Variants in PCDHGA3 observed in about 807,000 individuals in gnomAD.
PCDHGA3 encodes protocadherin gamma-A3.
A neutral mutation model predicts 58.5 loss-of-function variants in PCDHGA3; 40 were observed. The ratio of observed to expected loss-of-function variants is 0.68; its 90% CI spans 0.53 to 0.89. The LOEUF (loss-of-function observed/expected upper bound fraction) is 0.89. Among genes scored for constraint, PCDHGA3 ranks in the 40% least tolerant of loss-of-function variants. PCDHGA3 has a pLI of 0.00. For missense variants in PCDHGA3, 1,223 were observed against 1,195.9 expected, an observed-to-expected ratio of 1.02 and a Z score of -0.33; for synonymous variants, 530 against 525.7, an observed-to-expected ratio of 1.01 and a Z score of -0.11.
At chr5:141,473,401 T>G (rs1285517100) in intron 1 of PCDHGA3, among the ~76,000 whole-genome samples, 3 of 152,222 alleles carry the variant, frequency 2.0e-5, no homozygotes. Context: ...GCTTCTTTTT[T>G]TCTTCTTCAG....
intron 1 of PCDHGA3, chr5:141,408,782 T>A: frequency 6.2e-7 from 1 of 1,612,108 alleles, no homozygotes. Context: ...ATACCCAGAG[T>A]TATCTCTGGA....
intron 1 of PCDHGA3, among the ~76,000 whole-genome samples, chr5:141,401,296 C>G (rs2094138441): frequency 6.6e-6 from 1 of 152,104 alleles, no homozygotes; most frequent in African/African-American, 2.4e-5. Flanking sequence ...GAGCCGAGAT[C>G]ACTCCATTGC....
intron 1 of PCDHGA3, among the ~76,000 whole-genome samples, chr5:141,402,165 T>A (rs1200714000): frequency 6.6e-6 from 1 of 152,164 alleles, no homozygotes; most frequent in Non-Finnish European, 1.5e-5. Context: ...GGCGAGAACA[T>A]CTGTAACTAT....
In PCDHGA3 at chr5:141,399,312, A is replaced by C. The variant is rs142753281; in HGVS notation, c.2424+52855A>C. 774 of 1,613,972 alleles carry C rather than the reference A, an allele frequency of 4.8e-4. 4 individuals carry two copies. The African/African-American group carries it at 8.9e-3, about 19-fold the overall frequency. ...CTTTTAAGATTATCTCTTCATCCAAAAATTCGTATAAGTTGGTAACAGATG... is the reference window on the plus strand; with the variant it reads ...CTTTTAAGATTATCTCTTCATCCAACAATTCGTATAAGTTGGTAACAGATG... On this transcript the variant is annotated intron_variant, in intron 1 of 3. Transcript: ENST00000253812.
chr5:141,410,295 T>C (rs1043971768), intron 1 of PCDHGA3: 2 of 1,613,982 alleles, frequency 1.2e-6, no homozygotes, highest in East Asian at 2.2e-5. Context: ...GCCTTGGCCT[T>C]AATCTCAGTG....
At chr5:141,359,008 G>C (rs1212259195) in intron 1 of PCDHGA3, among the ~76,000 whole-genome samples, 1 of 152,230 alleles carries the variant, frequency 6.6e-6, no homozygotes, top group Non-Finnish European at 1.5e-5. Flanking sequence ...ACACAAATTA[G>C]TGTAATTTGA....
chr5:141,487,802 C>G lies in PCDHGA3; in HGVS notation c.2425-7005C>G. On this transcript the variant is annotated intron_variant, in intron 1 of 3. Transcript: ENST00000253812. The surrounding 1 kb of genome is among the most constrained non-coding windows in gnomAD (Gnocchi z 5.0). ...TTTCGTGAATTAACCAGAGTTGTCACAGTTTAGCATTGGGGGCGGGTCATG... is the reference window on the plus strand; with the variant it reads ...TTTCGTGAATTAACCAGAGTTGTCAGAGTTTAGCATTGGGGGCGGGTCATG... 6.8e-7 allele frequency: 1 copy of G among 1,477,424 alleles called. No homozygotes were observed. The allele number at this position is 1,477,424 out of a possible 1,614,324, so 91.5% of individuals were successfully genotyped here.
intron 1 of PCDHGA3, chr5:141,415,653 G>C (rs947379829): frequency 1.4e-5 from 22 of 1,539,304 alleles, no homozygotes; most frequent in Non-Finnish European, 1.9e-5. Context: ...AAAAAAAAAA[G>C]ATTGGTTTTT....
At chr5:141,354,901 A>C (rs1394350336) in intron 1 of PCDHGA3, 1 of 397,230 alleles carries the variant, frequency 2.5e-6, no homozygotes, top group African/African-American at 2.1e-5. Context: ...GAGAAATAGG[A>C]ATAGAAAAGT....
At chr5:141,383,248 T>A in intron 1 of PCDHGA3, 1 of 1,613,948 alleles carries the variant, frequency 6.2e-7, no homozygotes. Context: ...AATGAATCTT[T>A]ACCCTATAGA....
rs1287277950 is a variant in PCDHGA3 at position 141,384,488 on chromosome 5, T to C, written c.2424+38031T>C. The C allele has an allele frequency of 2.5e-6, 4 of 1,614,104 alleles. No individual in the cohort carries two copies. In the East Asian group the frequency reaches 8.9e-5, roughly 36 times the overall value. The stretch of plus-strand genomic sequence containing the variant: ...TATGAGCAGTTGAGAGAACTACAAC[T>C]AAGAGTGACTGCACATGACAGCGGG... On this transcript the variant is annotated intron_variant, in intron 1 of 3. Transcript: ENST00000253812.
intron 1 of PCDHGA3, chr5:141,371,783 G>C (rs1396118548): frequency 6.2e-7 from 1 of 1,613,986 alleles, no homozygotes. Context: ...ATGTAGCTGA[G>C]AACAATCCGC....
chr5:141,450,280 T>C (rs1374970772), intron 1 of PCDHGA3, among the ~76,000 whole-genome samples: 2 of 152,166 alleles, frequency 1.3e-5, no homozygotes, highest in African/African-American at 4.8e-5. Context: ...AGCTAAGTGC[T>C]GGGATTACAG....
chr5:141,397,967 C>T (rs931333276), intron 1 of PCDHGA3: 2 of 1,110,472 alleles, frequency 1.8e-6, no homozygotes, highest in Non-Finnish European at 2.5e-6. Context: ...CTCAGACTCC[C>T]CAGCGCCGGC....
intron 1 of PCDHGA3, among the ~76,000 whole-genome samples, chr5:141,373,138 T>A (rs1047353742): frequency 6.6e-6 from 1 of 152,246 alleles, no homozygotes; most frequent in South Asian, 2.1e-4. Flanking sequence ...TCCTCACAAT[T>A]AAGTGGTTTA....
rs545310006 is a variant in PCDHGA3 at position 141,395,123 on chromosome 5, T to C, written c.2424+48666T>C. ...ACTCGCGGAAGAGTCACCTGATCTTTCCCCAGCCCAACTACGCAGACATGC... is the reference window on the plus strand; with the variant it reads ...ACTCGCGGAAGAGTCACCTGATCTTCCCCCAGCCCAACTACGCAGACATGC... On this transcript the variant is annotated intron_variant, in intron 1 of 3. Coordinates refer to ENST00000253812, the MANE Select transcript of PCDHGA3 (RefSeq NM_018916.4). 2.5e-6 allele frequency: 4 copies of C among 1,614,148 alleles called. No homozygotes were observed. In the Admixed American group the frequency reaches 6.7e-5, roughly 27 times the overall value.
chr5:141,397,571 A>G (rs1205930640), intron 1 of PCDHGA3, among the ~76,000 whole-genome samples: 1 of 152,224 alleles, frequency 6.6e-6, no homozygotes, highest in East Asian at 1.9e-4. Flanking sequence ...GAGAGCAAGA[A>G]CTGTATCATA....
intron 1 of PCDHGA3, chr5:141,351,381 A>G (rs1166014937): frequency 1.9e-6 from 3 of 1,612,406 alleles, no homozygotes; most frequent in Admixed American, 1.7e-5. Context: ...GATTCTGGGC[A>G]AAATGGCATG....
At chr5:141,370,718 G>C (rs752810801) in intron 1 of PCDHGA3, 2 of 1,613,818 alleles carry the variant, frequency 1.2e-6, no homozygotes, top group Non-Finnish European at 1.7e-6. Context: ...AATTTGAAAT[G>C]GTTGCTGAAA....
Sources: allele counts gnomAD v4.1 joint callset (sites outside exome capture counted in the v4.1 genomes callset), GRCh38; gene constraint gnomAD v4.1.1; non-coding constraint Gnocchi (gnomAD v3.1); transcripts MANE v1.5; gene names NCBI Gene and HGNC (gene_info 2026-07-23, HGNC 2026-07-21).